The following MGRN1 variants were observed in gnomAD, a reference collection of about 807,000 sequenced individuals.
MGRN1 encodes the protein mahogunin ring finger 1, also known as E3 ubiquitin-protein ligase MGRN1.
MGRN1 carries 29 observed loss-of-function variants against 69.2 expected under a neutral mutation model. That is an observed-to-expected ratio of 0.42 (90% CI 0.31 to 0.57). The LOEUF (loss-of-function observed/expected upper bound fraction) is 0.57. Among genes scored for constraint, MGRN1 ranks in the 20% least tolerant of loss-of-function variants. The pLI is 0.15. For missense variants in MGRN1, 998 were observed against 796.2 expected (o/e 1.25, Z -3.05); for synonymous variants, 470 against 344.2 (o/e 1.37, Z -4.04).
At chr16:4,652,472 C>G (rs956896349) in intron 3 of MGRN1, among the ~76,000 whole-genome samples, 1 of 152,146 alleles carries the variant, frequency 6.6e-6, no homozygotes. Context: ...AGCACGTACC[C>G]CGTCTTCTGT....
chr16:4,687,223 C>T lies in MGRN1; in HGVS notation c.1619-1573C>T, dbSNP rs2079345139. 4 of 985,258 alleles carry T rather than the reference C, an allele frequency of 4.1e-6. No homozygotes were observed. In the South Asian group the frequency reaches 1.4e-4, roughly 35 times the overall value. 61.0% of individuals were successfully genotyped at this position (985,258 alleles called of 1,614,324 possible). A position where few individuals can be genotyped will look rare whatever the true frequency, so the allele number is the denominator to read the frequency against. ...CATCCCCCATCCCCCCCAAGAGGCG[C>T]CCTCTACCAGGGTGGCCCAGGTGAG... On this transcript the variant is annotated intron_variant, in intron 16 of 16. Coordinates refer to ENST00000262370, the MANE Select transcript of MGRN1 (RefSeq NM_015246.4).
intron 1 of MGRN1, among the ~76,000 whole-genome samples, chr16:4,643,519 G>A (rs554760988): frequency 4.7e-5 from 7 of 150,246 alleles, no homozygotes; most frequent in Non-Finnish European, 8.8e-5. Flanking sequence ...CTACAGGCGC[G>A]TGCCACCACA....
chr16:4,664,908 G>A, intron 6 of MGRN1, 133 bp downstream of exon 6: 1 of 1,321,612 alleles, frequency 7.6e-7, no homozygotes, highest in Non-Finnish European at 1.1e-6. Context: ...AGGGCAGGGT[G>A]TGAGCAGCTT....
intron 1 of MGRN1, among the ~76,000 whole-genome samples, chr16:4,641,482 G>A (rs1213284453): frequency 1.4e-5 from 2 of 148,020 alleles, no homozygotes; most frequent in African/African-American, 4.9e-5. Flanking sequence ...TTGAGTGGCT[G>A]GTACTACAGG....
Position 4,677,990 on chromosome 16 carries a change from G to A in MGRN1, c.1065+418G>A, listed in dbSNP as rs114707142. Among the ~76,000 whole-genome samples the A allele has an allele frequency of 3.0e-3, 463 of 152,208 alleles. 3 individuals are homozygous for A. Among genetic ancestry groups the A allele is most frequent in the African/African-American group, 0.01 (430 of 41,540 alleles). On this transcript the variant is annotated intron_variant, in intron 11 of 16. Transcript: ENST00000262370. The stretch of plus-strand genomic sequence containing the variant: ...AGCCTCCCAAGACGCTGTGACCACG[G>A]GCGTGTACCACCACGCCGAGCTAAT...
At position 4,657,278 on chromosome 16, in the gene MGRN1, A is replaced by C. The variant is rs1219057127; in HGVS notation, c.476A>C (p.Glu159Ala). Residue 159 changes from glutamate to alanine, a missense_variant, in exon 5 of 17, where the codon GAG (glutamate) becomes GCG (alanine). Glu to Ala is a moderately radical substitution (Grantham distance 107). Coordinates refer to ENST00000262370, the MANE Select transcript of MGRN1 (RefSeq NM_015246.4). ...YSPKSPSLQS[E>A]TVHYKRGVSQ... ...CCCAAGAGCCCCTCGCTACAGTCCGAGACCGTCCACTACAAGAGAGGGGTG... is the reference window on the plus strand; with the variant it reads ...CCCAAGAGCCCCTCGCTACAGTCCGCGACCGTCCACTACAAGAGAGGGGTG... 5.6e-6 allele frequency: 9 copies of C among 1,614,150 alleles called. No homozygotes were observed. The highest frequency in any genetic ancestry group is 6.8e-6 in the Non-Finnish European group (8 of 1,179,972).
intron 5 of MGRN1, among the ~76,000 whole-genome samples, chr16:4,659,670 T>C (rs1276878281): frequency 1.3e-5 from 2 of 152,222 alleles, no homozygotes; most frequent in East Asian, 1.9e-4. Context: ...CCACGCTGAG[T>C]TGGCGCACAT....
intron 1 of MGRN1, among the ~76,000 whole-genome samples, chr16:4,644,039 G>A (rs1228524634): frequency 3.3e-5 from 5 of 151,818 alleles, no homozygotes; most frequent in Non-Finnish European, 5.9e-5. Context: ...GTGAGGTGGT[G>A]CAATCTCGGC....
At chr16:4,660,603 G>C (rs776547252) in intron 5 of MGRN1, among the ~76,000 whole-genome samples, 4 of 152,266 alleles carry the variant, frequency 2.6e-5, no homozygotes, top group Non-Finnish European at 5.9e-5. Context: ...GGGGTGGGCA[G>C]GGGCGCGGGG....
intron 1 of MGRN1, among the ~76,000 whole-genome samples, chr16:4,643,202 C>G (rs1372590668): frequency 1.3e-5 from 2 of 151,962 alleles, no homozygotes; most frequent in Admixed American, 1.3e-4. Flanking sequence ...CCTTGTGATC[C>G]ACTCCTCTCG....
chr16:4,649,373 G>A (rs2078351074), intron 1 of MGRN1: 1 of 152,228 alleles, frequency 6.6e-6, no homozygotes, highest in Non-Finnish European at 1.5e-5. Flanking sequence ...CCATCACAGA[G>A]GCACACGTCA....
rs558371021 is a variant in MGRN1, at chr16:4,646,998, C to T, written c.89-3367C>T. Among the ~76,000 whole-genome samples, 6 of 152,318 alleles carry T rather than the reference C, an allele frequency of 3.9e-5. No individual in the cohort carries two copies. The East Asian group carries it at 1.2e-3, about 29-fold the overall frequency. On this transcript the variant is annotated intron_variant, in intron 1 of 16. Transcript: ENST00000262370. Reference sequence around the variant, plus strand: ...CGGCCTTCTGGACCCCACCTCAGTACGTCAGCGCTGGGGAGAGCCTGGAAG... The same window carrying T: ...CGGCCTTCTGGACCCCACCTCAGTATGTCAGCGCTGGGGAGAGCCTGGAAG...
In MGRN1 at chr16:4,661,939, G is replaced by A. The variant is rs150044464; in HGVS notation, c.562-2770G>A. Among the ~76,000 whole-genome samples the A allele has an allele frequency of 6.6e-5, 10 of 152,328 alleles. No homozygotes were observed. The East Asian group carries it at 1.5e-3, about 24-fold the overall frequency. ...TTAGCTCCAGATGGCAGGAAGCTGC[G>A]GTAGCCGTGTGCCAGGTGCCTGTGG... On this transcript the variant is annotated intron_variant, in intron 5 of 16. Coordinates refer to ENST00000262370, the MANE Select transcript of MGRN1 (RefSeq NM_015246.4).
In MGRN1 at chr16:4,624,989, C is replaced by G; in HGVS notation, c.29C>G (p.Ala10Gly). Residue 10 changes from alanine (A) to glycine (G), a missense_variant, in exon 1 of 17, where the codon GCG becomes GGG. Coordinates refer to ENST00000262370, the MANE Select transcript of MGRN1 (RefSeq NM_015246.4). Reference sequence around the variant, plus strand: ...GGCTCCATTCTCAGCCGCCGCATCGCGGGGGTGGAGGACATCGACATCCAG... The same window carrying G: ...GGCTCCATTCTCAGCCGCCGCATCGGGGGGGTGGAGGACATCGACATCCAG... The part of the protein sequence containing the change: MGSILSRRI[A>G]GVEDIDIQAN... 6.4e-7 allele frequency: 1 copy of G among 1,557,962 alleles called. No homozygotes were observed. The highest frequency in any genetic ancestry group is 8.7e-7 in the Non-Finnish European group (1 of 1,154,658).
intron 9 of MGRN1, among the ~76,000 whole-genome samples, chr16:4,672,216 T>G (rs2078954574): frequency 6.6e-6 from 1 of 152,112 alleles, no homozygotes; most frequent in Non-Finnish European, 1.5e-5. Context: ...ATTTTTAATT[T>G]TTGTATTTTT....
intron 8 of MGRN1, among the ~76,000 whole-genome samples, chr16:4,668,807 TATAC>T (rs1413367307): frequency 1.3e-5 from 2 of 151,362 alleles, no homozygotes; most frequent in African/African-American, 4.9e-5. Flanking sequence ...TACACACACG[TATAC>T]AGACACACAC....
chr16:4,686,605 G>A, intron 16 of MGRN1: 1 of 1,216,196 alleles, frequency 8.2e-7, no homozygotes, highest in Non-Finnish European at 1.0e-6. Flanking sequence ...GCCCAGGCAG[G>A]GAGACAGACA....
At chr16:4,659,647 C>G (rs1042677478) in intron 5 of MGRN1, among the ~76,000 whole-genome samples, 7 of 152,268 alleles carry the variant, frequency 4.6e-5, no homozygotes, top group African/African-American at 1.7e-4. Context: ...AGTGCTGGCT[C>G]GTCTGTGGAT....
intron 1 of MGRN1, among the ~76,000 whole-genome samples, chr16:4,645,248 G>A (rs1324817838): frequency 1.3e-5 from 2 of 151,952 alleles, no homozygotes; most frequent in African/African-American, 2.4e-5. Flanking sequence ...CTGCAGCCTC[G>A]AACTCTTGGA....
Sources: gnomAD v4.1 joint callset for allele counts (sites outside exome capture counted in the v4.1 genomes callset) on GRCh38, gnomAD v4.1.1 for gene constraint, MANE v1.5 for transcripts, NCBI Gene and HGNC (gene_info 2026-07-23, HGNC 2026-07-21) for gene names.